Variants in CEP76 observed in about 807,000 individuals in gnomAD.
The protein encoded by CEP76 is centrosomal protein of 76 kDa.
In CEP76, 55 loss-of-function variants were observed where a neutral mutation model predicts 83.3. The ratio of observed to expected loss-of-function variants is 0.66; its 90% CI spans 0.53 to 0.83. The LOEUF (loss-of-function observed/expected upper bound fraction) is 0.83. CEP76 is among the 40% of genes least tolerant of loss of function. The pLI, the probability that CEP76 is intolerant of heterozygous loss-of-function variation, is 0.00. For synonymous variants in CEP76, 270 were observed against 274.5 expected (o/e 0.98, Z 0.16); for missense variants, 694 against 799.5 (o/e 0.87, Z 1.59).
At chr18:12,691,658 T>C (rs1025811798) in intron 6 of CEP76, among the ~76,000 whole-genome samples, 171 bp from the exon 7 acceptor site, 2 of 151,846 alleles carry the variant, frequency 1.3e-5, no homozygotes, top group African/African-American at 4.8e-5. Context: ...CCTAGTACAA[T>C]CCCATCTCCA....
chr18:12,693,846 T>C (rs557073801), intron 6 of CEP76, among the ~76,000 whole-genome samples: 14 of 152,170 alleles, frequency 9.2e-5, no homozygotes, highest in Admixed American at 2.6e-4. Flanking sequence ...ACACCATTTA[T>C]TTAAGAGACA....
chr18:12,672,563 A>G, downstream of CEP76: 1 of 704,090 alleles, frequency 1.4e-6, no homozygotes, highest in Non-Finnish European at 1.7e-6. Flanking sequence ...ATGAAAGAAA[A>G]AAGGGTTTCA....
In CEP76 at chr18:12,676,279, C is replaced by CTTTT. The variant is rs1157897766; in HGVS notation, c.1624-1530_1624-1527dup. Among the ~76,000 whole-genome samples, 31 of 106,412 alleles carry CTTTT rather than the reference C, an allele frequency of 2.9e-4. 1 individual carries two copies. Among genetic ancestry groups the CTTTT allele is most frequent in the East Asian group, 8.7e-4 (3 of 3,450 alleles). 69.8% of individuals were successfully genotyped at this position (106,412 alleles called of 152,430 possible). A position where few individuals can be genotyped will look rare whatever the true frequency, so the allele number is the denominator to read the frequency against. ...TTTCTTTTTCTGTAAACAGTAATTC[C>CTTTT]TTTTTTTTTTTTTTTTTTTTTTGAG... On this transcript the variant is annotated intron_variant, in intron 10 of 11. Coordinates refer to ENST00000262127, the MANE Select transcript of CEP76 (RefSeq NM_024899.4).
At chr18:12,671,059 G>A (rs1299276449), downstream of CEP76, 3 of 150,746 alleles carry the variant, frequency 2.0e-5, no homozygotes, top group African/African-American at 7.3e-5. Context: ...TAATATTTCA[G>A]ACTTTTTAAA....
At chr18:12,693,288 A>G (rs2039832315) in intron 6 of CEP76, among the ~76,000 whole-genome samples, 1 of 152,154 alleles carries the variant, frequency 6.6e-6, no homozygotes, top group Admixed American at 6.6e-5. Context: ...GTGGGGCACA[A>G]TGGTCCATGT....
At chr18:12,690,606 C>T (rs577117563) in intron 7 of CEP76, among the ~76,000 whole-genome samples, 14 of 152,208 alleles carry the variant, frequency 9.2e-5, no homozygotes, top group African/African-American at 3.4e-4. Context: ...TAGGAGCCCG[C>T]CATCACGCCC....
intron 10 of CEP76, among the ~76,000 whole-genome samples, chr18:12,676,748 G>C (rs760253586): frequency 6.6e-6 from 1 of 152,144 alleles, no homozygotes; most frequent in Non-Finnish European, 1.5e-5. Flanking sequence ...TATTACAAAT[G>C]CCAGGTTTTC....
chr18:12,678,218 G>A lies in CEP76; in HGVS notation c.1514C>T (p.Thr505Ile), dbSNP rs896346924. 7.4e-6 allele frequency: 12 copies of A among 1,614,020 alleles called. No homozygotes were observed. Among genetic ancestry groups the A allele is most frequent in the Non-Finnish European group, 1.0e-5 (12 of 1,179,994 alleles). ...AIKSVCAPGA[T>I]TSLPPFPPLC... is the part of the protein sequence containing the mutation. ...AGGTGGAAAGGGAGGAAGGGATGTT[G>A]TAGCTCCAGGAGCACACACAGATTT... The change falls in exon 10 of 12, where the codon ACA (threonine) becomes ATA (isoleucine). Residue 505 changes from threonine to isoleucine, a missense_variant. Coordinates refer to ENST00000262127, the MANE Select transcript of CEP76 (RefSeq NM_024899.4).
In CEP76 at chr18:12,673,089, C is replaced by A; in HGVS notation, c.*276G>T. On this transcript the variant is annotated 3_prime_UTR_variant, in exon 12 of 12. Coordinates refer to ENST00000262127, the MANE Select transcript of CEP76 (RefSeq NM_024899.4). The stretch of plus-strand genomic sequence containing the variant: ...AATGCATTTTATATTAATATTTAAA[C>A]TACTGATAACTGTAAACAAAGTAGC... 1 of 1,002,850 alleles carries A rather than the reference C, an allele frequency of 1.0e-6. No homozygotes were observed. Among genetic ancestry groups the A allele is most frequent in the Non-Finnish European group, 1.2e-6 (1 of 824,674 alleles). The allele number at this position is 1,002,850 out of a possible 1,614,324, so 62.1% of individuals were successfully genotyped here.
At chr18:12,670,004 A>G (rs541183742), downstream of CEP76, among the ~76,000 whole-genome samples, 5 of 148,656 alleles carry the variant, frequency 3.4e-5, no homozygotes, top group East Asian at 7.8e-4. Context: ...TCAAAAAAAA[A>G]AAGAAAAGAA....
At chr18:12,691,223 A>G (rs1313444478) in intron 7 of CEP76, 136 bp downstream of exon 7, 5 of 572,076 alleles carry the variant, frequency 8.7e-6, no homozygotes, top group African/African-American at 7.7e-5. Context: ...AGAATATTAC[A>G]AAATCAGCAT....
exon 13 of CEP76, chr18:12,662,082 CTCTGAG>C (rs1005347557): frequency 2.4e-6 from 1 of 418,892 alleles, no homozygotes; most frequent in African/African-American, 2.1e-5. Flanking sequence ...GGCTGTGCTG[CTCTGAG>C]TCTTTCAGGG....
chr18:12,683,186 CA>C (rs765652085), intron 8 of CEP76, among the ~76,000 whole-genome samples: 81 of 63,678 alleles, frequency 1.3e-3, no homozygotes, highest in East Asian at 3.0e-3. Flanking sequence ...CTAAAAATAC[CA>C]AAAAAAAAAA....
At chr18:12,702,749 C>G (rs1041286720), upstream of CEP76, 84 of 608,120 alleles carry the variant, frequency 1.4e-4, no homozygotes, top group South Asian at 2.1e-4. Flanking sequence ...GCGGCGCCAA[C>G]TGTTTTCAAA....
chr18:12,693,591 T>C (rs2145081393), intron 6 of CEP76, among the ~76,000 whole-genome samples: 1 of 152,226 alleles, frequency 6.6e-6, no homozygotes, highest in African/African-American at 2.4e-5. Context: ...GAGACCATCC[T>C]GGCCAACATG....
rs1295322938 is a variant in CEP76 at position 12,681,211 on chromosome 18, AAAT to A, written c.1123-386_1123-384del. ...AGACTCTGTTTCCAAAAAAAAAAAA[AAAT>A]GTTTATAAAGAACTCACACAACACA... On this transcript the variant is annotated intron_variant, in intron 8 of 11. Transcript: ENST00000262127. Among the ~76,000 whole-genome samples the A allele has an allele frequency of 1.3e-3, 201 of 151,850 alleles. 2 individuals carry two copies. The highest frequency in any genetic ancestry group is 4.6e-3 in the African/African-American group (191 of 41,448).
chr18:12,682,046 G>GA (rs1351249855), intron 8 of CEP76, among the ~76,000 whole-genome samples: 1 of 151,946 alleles, frequency 6.6e-6, no homozygotes, highest in South Asian at 2.1e-4. Flanking sequence ...TGTGTTCTGT[G>GA]AAAAAAATTA....
intron 7 of CEP76, among the ~76,000 whole-genome samples, chr18:12,690,024 G>A (rs1298382564): frequency 6.6e-6 from 1 of 152,172 alleles, no homozygotes; most frequent in African/African-American, 2.4e-5. Flanking sequence ...CCTGACCTCA[G>A]AGGATCCACC....
rs147450141 is a variant in CEP76 at position 12,666,670 on chromosome 18, G to A, written c.*1728-4501C>T. Among the ~76,000 whole-genome samples, 493 of 150,080 alleles carry A rather than the reference G, an allele frequency of 3.3e-3. 1 individual carries two copies. The highest frequency in any genetic ancestry group is 0.011 in the African/African-American group (462 of 40,956). ...TCGCCACATTGCCCAAACTGGTCTC[G>A]AACTCCTCACTCAATTGATCTACCT... is the stretch of plus-strand genomic sequence containing the variant. On this transcript the variant is annotated intron_variant and NMD_transcript_variant, in intron 12 of 12. Transcript: ENST00000590143.
Sources: allele counts gnomAD v4.1 joint callset (sites outside exome capture counted in the v4.1 genomes callset), GRCh38; gene constraint gnomAD v4.1.1; transcripts MANE v1.5; gene names NCBI Gene and HGNC (gene_info 2026-07-23, HGNC 2026-07-21).